The following NIBAN1 variants were observed in gnomAD, a reference collection of about 807,000 sequenced individuals.
The protein encoded by NIBAN1 is protein Niban 1.
In NIBAN1, 81 loss-of-function variants were observed where a neutral mutation model predicts 75.1. The ratio of observed to expected loss-of-function variants is 1.08; its 90% CI spans 0.90 to 1.30. The LOEUF (loss-of-function observed/expected upper bound fraction) is 1.30. Ranked by LOEUF, NIBAN1 falls within the 50% of genes most tolerant of loss-of-function variation. NIBAN1 has a pLI of 0.00. For synonymous variants in NIBAN1, 436 were observed against 424.8 expected, an observed-to-expected ratio of 1.03 and a Z score of -0.32; for missense variants, 1,133 against 1,128.1, an observed-to-expected ratio of 1.00 and a Z score of -0.06.
rs999717360 is a variant in NIBAN1 at position 184,974,422 on chromosome 1, G to C, written c.-66C>G. On this transcript the variant is annotated 5_prime_UTR_variant, in exon 1 of 14. Transcript: ENST00000367511. Reference sequence around the variant, plus strand: ...CCGCGCCCGCTGCTAGCTCCTGGAGGTTGATCCGACGGCGAACCCGGCTCT... The same window carrying C: ...CCGCGCCCGCTGCTAGCTCCTGGAGCTTGATCCGACGGCGAACCCGGCTCT... The C allele has an allele frequency of 9.9e-6, 15 of 1,509,838 alleles. No individual in the cohort carries two copies. Among genetic ancestry groups the C allele is most frequent in the Non-Finnish European group, 1.3e-5 (15 of 1,132,830 alleles). The allele number at this position is 1,509,838 out of a possible 1,614,324, so 93.5% of individuals were successfully genotyped here.
chr1:184,955,754 A>G (rs906154197), intron 1 of NIBAN1, among the ~76,000 whole-genome samples: 2 of 152,248 alleles, frequency 1.3e-5, no homozygotes, highest in African/African-American at 4.8e-5. Flanking sequence ...GGGTGATATA[A>G]AGGAAAAAGT....
chr1:184,932,979 C>A (rs1657864631), intron 1 of NIBAN1, among the ~76,000 whole-genome samples: 1 of 152,104 alleles, frequency 6.6e-6, no homozygotes, highest in African/African-American at 2.4e-5. Flanking sequence ...ATGCAGAAAG[C>A]ATAACAAAAA....
Position 184,794,712 on chromosome 1 carries a change from A to C in NIBAN1, c.*265T>G. The stretch of plus-strand genomic sequence containing the variant: ...CTGCAATACTATTCCCTCCTCAGAC[A>C]TCCTCAGCTCCCTCTCACCCCAAGT... On this transcript the variant is annotated 3_prime_UTR_variant, in exon 14 of 14. Transcript: ENST00000367511. 7.6e-6 allele frequency: 4 copies of C among 528,884 alleles called. No individual in the cohort carries two copies. Among genetic ancestry groups the C allele is most frequent in the Middle Eastern group, 5.1e-4 (1 of 1,956 alleles). The allele number at this position is 528,884 out of a possible 1,614,324, so 32.8% of individuals were successfully genotyped here.
At chr1:184,895,108 C>T (rs114746781) in intron 2 of NIBAN1, among the ~76,000 whole-genome samples, 1 of 152,120 alleles carries the variant, frequency 6.6e-6, no homozygotes, top group African/African-American at 2.4e-5. Flanking sequence ...ATATGCCAAT[C>T]TCTTTTAAGA....
In NIBAN1 at chr1:184,974,403, C is replaced by T. The variant is rs556508119; in HGVS notation, c.-47G>A. 2 of 1,532,044 alleles carry T rather than the reference C, an allele frequency of 1.3e-6. No homozygotes were observed. The highest frequency in any genetic ancestry group is 1.7e-6 in the Non-Finnish European group (2 of 1,144,552). 94.9% of individuals were successfully genotyped at this position (1,532,044 alleles called of 1,614,324 possible). A position where few individuals can be genotyped will look rare whatever the true frequency, so the allele number is the denominator to read the frequency against. On this transcript the variant is annotated 5_prime_UTR_variant, in exon 1 of 14. Coordinates refer to ENST00000367511, the MANE Select transcript of NIBAN1 (RefSeq NM_052966.4). Reference sequence around the variant, plus strand: ...AGCGCGGAAACTGCCCGGTCCGCGCCCGCTGCTAGCTCCTGGAGGTTGATC... The same window carrying T: ...AGCGCGGAAACTGCCCGGTCCGCGCTCGCTGCTAGCTCCTGGAGGTTGATC...
intron 5 of NIBAN1, among the ~76,000 whole-genome samples, chr1:184,873,147 C>A (rs960824543): frequency 6.6e-6 from 1 of 152,042 alleles, no homozygotes; most frequent in Admixed American, 6.5e-5. Flanking sequence ...TTCAAGAATA[C>A]GAATGAGATA....
intron 8 of NIBAN1, among the ~76,000 whole-genome samples, chr1:184,822,268 G>A (rs144554265): frequency 9.8e-5 from 15 of 152,302 alleles, no homozygotes; most frequent in African/African-American, 3.6e-4. Flanking sequence ...AGATAGAATG[G>A]AGAACCATAG....
intron 9 of NIBAN1, among the ~76,000 whole-genome samples, chr1:184,816,170 T>C (rs767259484): frequency 6.6e-6 from 1 of 152,198 alleles, no homozygotes; most frequent in Non-Finnish European, 1.5e-5. Context: ...GGTGATTTGG[T>C]TTATGGGGAC....
At chr1:184,917,835 CCT>C (rs1657435101) in intron 1 of NIBAN1, among the ~76,000 whole-genome samples, 1 of 152,158 alleles carries the variant, frequency 6.6e-6, no homozygotes, top group Non-Finnish European at 1.5e-5. Flanking sequence ...TACTCATCTA[CCT>C]CTCAGGCAAC....
At chr1:184,875,978 A>C (rs1215492364) in intron 5 of NIBAN1, among the ~76,000 whole-genome samples, 1 of 152,206 alleles carries the variant, frequency 6.6e-6, no homozygotes, top group Admixed American at 6.5e-5. Context: ...GTTTGAGACC[A>C]GCCTGACCAA....
chr1:184,891,671 C>A (rs1265421415), intron 3 of NIBAN1, among the ~76,000 whole-genome samples: 1 of 152,140 alleles, frequency 6.6e-6, no homozygotes, highest in Non-Finnish European at 1.5e-5. Context: ...CATGCCTGTC[C>A]AGCCCCAGTG....
intron 12 of NIBAN1, among the ~76,000 whole-genome samples, chr1:184,800,216 GT>G (rs1366027721): frequency 6.6e-6 from 1 of 151,116 alleles, no homozygotes; most frequent in African/African-American, 2.4e-5. Flanking sequence ...GGGGTTGTTT[GT>G]TTTTTTCTTG....
chr1:184,803,520 A>G, intron 12 of NIBAN1, 65 bp downstream of exon 12: 3 of 1,333,908 alleles, frequency 2.2e-6, no homozygotes, highest in South Asian at 2.4e-5. Flanking sequence ...TACACATCAC[A>G]AAAGAACTTG....
intron 9 of NIBAN1, among the ~76,000 whole-genome samples, chr1:184,817,691 A>G (rs1274784682): frequency 1.3e-5 from 2 of 152,202 alleles, no homozygotes; most frequent in African/African-American, 4.8e-5. Context: ...GTGGCTGTTC[A>G]TATCCTTTGC....
At chr1:184,884,995 G>A (rs935806645) in intron 4 of NIBAN1, among the ~76,000 whole-genome samples, 195 bp from the exon 5 acceptor site, 12 of 152,114 alleles carry the variant, frequency 7.9e-5, no homozygotes, top group Non-Finnish European at 1.5e-4. Context: ...GTCCCACTGC[G>A]GTCTGCCTGG....
chr1:184,895,924 G>A (rs1049541062), intron 2 of NIBAN1, among the ~76,000 whole-genome samples: 6 of 152,038 alleles, frequency 3.9e-5, no homozygotes, highest in Non-Finnish European at 7.4e-5. Flanking sequence ...AGCATCCTGT[G>A]GTGTATATAT....
At chr1:184,892,860 C>T (rs545838189) in intron 3 of NIBAN1, among the ~76,000 whole-genome samples, 1 of 152,260 alleles carries the variant, frequency 6.6e-6, no homozygotes, top group Admixed American at 6.5e-5. Context: ...CAACCTCAAC[C>T]TCCCGAGTTC....
At chr1:184,886,224 G>A (rs1291007722) in intron 4 of NIBAN1, among the ~76,000 whole-genome samples, 1 of 152,148 alleles carries the variant, frequency 6.6e-6, no homozygotes, top group Non-Finnish European at 1.5e-5. Context: ...TTCCTACCCT[G>A]TTCTCCCCAA....
intron 6 of NIBAN1, among the ~76,000 whole-genome samples, chr1:184,829,484 T>TG (rs1491213102): frequency 6.9e-6 from 1 of 144,992 alleles, no homozygotes; most frequent in Non-Finnish European, 1.5e-5. Context: ...TTTTTTTTTT[T>TG]GAGATGGAGT....
Sources: gnomAD v4.1 joint callset for allele counts (sites outside exome capture counted in the v4.1 genomes callset) on GRCh38, gnomAD v4.1.1 for gene constraint, MANE v1.5 for transcripts, NCBI Gene and HGNC (gene_info 2026-07-23, HGNC 2026-07-21) for gene names.